CNTNAP3B: variants seen among roughly 807,000 people sequenced by gnomAD.
CNTNAP3B encodes the protein contactin associated protein family member 3B.
A neutral mutation model predicts 108.9 loss-of-function variants in CNTNAP3B; 25 were observed. That is an observed-to-expected ratio of 0.23 (90% CI 0.17 to 0.32). The LOEUF (loss-of-function observed/expected upper bound fraction) is 0.32, where lower values mean the gene tolerates loss of function less well. Among genes scored for constraint, CNTNAP3B ranks in the 10% least tolerant of loss-of-function variants. The probability of loss-of-function intolerance (pLI) is 1.00; values close to 1 mark genes in which losing one functional copy is unlikely to be tolerated. For synonymous variants in CNTNAP3B, 103 were observed against 473.4 expected (o/e 0.22, Z 10.16); for missense variants, 252 against 1,210.4 (o/e 0.21, Z 11.75).
intron 7 of CNTNAP3B, among the ~76,000 whole-genome samples, chr9:41,995,615 C>CA: frequency 7.8e-6 from 1 of 127,704 alleles, no homozygotes; most frequent in Non-Finnish European, 1.6e-5. Context: ...CCTGTAGTCC[C>CA]AGGTACTCGG....
intron 3 of CNTNAP3B, among the ~76,000 whole-genome samples, chr9:42,018,916 G>A (rs1440905787): frequency 6.8e-6 from 1 of 147,284 alleles, no homozygotes; most frequent in African/African-American, 2.6e-5. Flanking sequence ...ACTAGCATAT[G>A]GTAAATAATC....
intron 10 of CNTNAP3B, among the ~76,000 whole-genome samples, chr9:41,967,840 T>C (rs532511116): frequency 3.3e-5 from 5 of 152,400 alleles, no homozygotes; most frequent in Admixed American, 3.3e-4. Flanking sequence ...TTGAAAATAA[T>C]TTAAAAGTGC....
At chr9:41,945,031 G>A (rs1304742936) in intron 13 of CNTNAP3B, among the ~76,000 whole-genome samples, 4 of 152,304 alleles carry the variant, frequency 2.6e-5, no homozygotes, top group African/African-American at 7.2e-5. Context: ...ATCATCACTG[G>A]CCATCAGAGA....
At chr9:41,968,284 G>A (rs1390685304) in intron 10 of CNTNAP3B, among the ~76,000 whole-genome samples, 2 of 143,882 alleles carry the variant, frequency 1.4e-5, no homozygotes, top group Admixed American at 6.9e-5. Context: ...CACAGTGTGG[G>A]CCCATGGGAC....
chr9:42,063,160 A>G (rs1827203151), intron 3 of CNTNAP3B, among the ~76,000 whole-genome samples: 1 of 126,642 alleles, frequency 7.9e-6, no homozygotes, highest in Non-Finnish European at 1.7e-5. Context: ...TTTCTGTGTT[A>G]CTAATTAACA....
rs1247900256 is a variant in CNTNAP3B at position 42,073,107 on chromosome 9, T to C, written c.390+3762A>G. Among the ~76,000 whole-genome samples, 3 of 134,412 alleles carry C rather than the reference T, an allele frequency of 2.2e-5. 1 individual carries two copies. Among genetic ancestry groups the C allele is most frequent in the African/African-American group, 6.0e-5 (2 of 33,152 alleles). The allele number at this position is 134,412 out of a possible 152,430, so 88.2% of individuals were successfully genotyped here. A position where few individuals can be genotyped will look rare whatever the true frequency, so the allele number is the denominator to read the frequency against. ...AATTGCAGATAAGCAACTGTGGATC[T>C]TTAATAATAGAAAACATTAGCATAG... is the stretch of plus-strand genomic sequence containing the variant. On this transcript the variant is annotated intron_variant, in intron 3 of 23. Coordinates refer to ENST00000377561, the MANE Select transcript of CNTNAP3B (RefSeq NM_001201380.3).
At chr9:42,019,112 G>GA (rs1826262697) in intron 3 of CNTNAP3B, among the ~76,000 whole-genome samples, 1 of 95,754 alleles carries the variant, frequency 1.0e-5, no homozygotes, top group Non-Finnish European at 2.1e-5. Flanking sequence ...ATTAGGCAAG[G>GA]ATGATACTGC....
intron 2 of CNTNAP3B, among the ~76,000 whole-genome samples, chr9:42,093,575 G>C (rs1827843681): frequency 2.7e-5 from 2 of 73,768 alleles, no homozygotes; most frequent in African/African-American, 4.9e-5. Context: ...CTCTAGAGCT[G>C]TTTCACCTTC....
At chr9:42,107,636 A>G (rs1828107801) in intron 1 of CNTNAP3B, among the ~76,000 whole-genome samples, 1 of 130,552 alleles carries the variant, frequency 7.7e-6, no homozygotes, top group African/African-American at 3.1e-5. Context: ...GTCACCTTGT[A>G]ATGAAGAAAA....
intron 13 of CNTNAP3B, among the ~76,000 whole-genome samples, chr9:41,939,170 C>T (rs1204811906): frequency 6.6e-6 from 1 of 152,274 alleles, no homozygotes; most frequent in Non-Finnish European, 1.5e-5. Context: ...ACTGACAGCA[C>T]ATCACAGTAA....
In CNTNAP3B at chr9:41,989,523, CTT is replaced by C. The variant is rs1172827949; in HGVS notation, c.1333+2085_1333+2086del. On this transcript the variant is annotated intron_variant, in intron 8 of 23. Coordinates refer to ENST00000377561, the MANE Select transcript of CNTNAP3B (RefSeq NM_001201380.3). ...TGAAAAGTTTAGCTAGTCGGCATCT[CTT>C]TTCTGACTATAAATGTGTGGTACTT... Among the ~76,000 whole-genome samples, 3 of 114,106 alleles carry C rather than the reference CTT, an allele frequency of 2.6e-5. No individual in the cohort carries two copies. In the East Asian group the frequency reaches 8.2e-4, roughly 31 times the overall value. The allele number at this position is 114,106 out of a possible 152,430, so 74.9% of individuals were successfully genotyped here.
At chr9:41,968,368 C>G (rs1426485409) in intron 10 of CNTNAP3B, among the ~76,000 whole-genome samples, 1 of 140,430 alleles carries the variant, frequency 7.1e-6, no homozygotes, top group Non-Finnish European at 1.5e-5. Flanking sequence ...ATTAAGTGAG[C>G]AAATGGCCAG....
rs577939087 is a variant in CNTNAP3B at position 42,118,361 on chromosome 9, G to A, written c.85+10649C>T. Reference sequence around the variant, plus strand: ...GCGGGCTTCAGCCCTGGGACGCAAGGCTGGTTCAACATACGAAAATCAATA... The same window carrying A: ...GCGGGCTTCAGCCCTGGGACGCAAGACTGGTTCAACATACGAAAATCAATA... On this transcript the variant is annotated intron_variant, in intron 1 of 23. Coordinates refer to ENST00000377561, the MANE Select transcript of CNTNAP3B (RefSeq NM_001201380.3). Among the ~76,000 whole-genome samples the A allele has an allele frequency of 4.6e-3, 638 of 139,748 alleles. 40 individuals carry two copies. Among genetic ancestry groups the A allele is most frequent in the Non-Finnish European group, 7.0e-3 (456 of 65,052 alleles). The allele number at this position is 139,748 out of a possible 152,430, so 91.7% of individuals were successfully genotyped here. A position where few individuals can be genotyped will look rare whatever the true frequency, so the allele number is the denominator to read the frequency against.
chr9:42,005,490 T>TA (rs996299835), intron 4 of CNTNAP3B, among the ~76,000 whole-genome samples: 2 of 92,672 alleles, frequency 2.2e-5, no homozygotes, highest in Admixed American at 1.2e-4. Context: ...TATTTATTTT[T>TA]AAAAAATATT....
chr9:41,951,007 G>A (rs1317276647), intron 13 of CNTNAP3B, among the ~76,000 whole-genome samples: 1 of 109,464 alleles, frequency 9.1e-6, no homozygotes, highest in East Asian at 2.9e-4. Flanking sequence ...GCCCGCCTCG[G>A]CCTCCCGAAG....
chr9:41,929,574 T>G, intron 14 of CNTNAP3B, 130 bp from the exon 15 acceptor site: 1 of 1,201,492 alleles, frequency 8.3e-7, no homozygotes, highest in Admixed American at 2.4e-5. Context: ...TTTCAATATT[T>G]TGAGAGCACA....
At position 42,076,414 on chromosome 9, in the gene CNTNAP3B, G is replaced by A. The variant is rs1294440866; in HGVS notation, c.390+455C>T. On this transcript the variant is annotated intron_variant, in intron 3 of 23. Transcript: ENST00000377561. ...GCACTCTAGTCTGGGTGATAACAGC[G>A]AAACTCTGTCTCTAAAAAAAAAAAA... 8.6e-5 allele frequency among the ~76,000 whole-genome samples: 11 copies of A among 127,738 alleles called. 1 individual carries two copies. The East Asian group carries it at 1.9e-3, about 23-fold the overall frequency. The allele number at this position is 127,738 out of a possible 152,430, so 83.8% of individuals were successfully genotyped here.
chr9:41,928,550 A>T (rs1374739846), intron 15 of CNTNAP3B, among the ~76,000 whole-genome samples: 1 of 152,236 alleles, frequency 6.6e-6, no homozygotes, highest in Non-Finnish European at 1.5e-5. Context: ...GAGACACCAC[A>T]CCATCTGGCA....
chr9:42,119,960 C>A (rs1291524726), intron 1 of CNTNAP3B, among the ~76,000 whole-genome samples: 9 of 141,088 alleles, frequency 6.4e-5, no homozygotes, highest in Admixed American at 3.5e-4. Flanking sequence ...GCAACAAAAG[C>A]CAAAATTGAC....
Sources: gnomAD v4.1 joint callset for allele counts (sites outside exome capture counted in the v4.1 genomes callset) on GRCh38, gnomAD v4.1.1 for gene constraint, MANE v1.5 for transcripts, NCBI Gene and HGNC (gene_info 2026-07-23, HGNC 2026-07-21) for gene names.